CNTN3: variants seen among roughly 807,000 people sequenced by gnomAD.
CNTN3 encodes contactin 3.
CNTN3 carries 60 observed loss-of-function variants against 119.1 expected under a neutral mutation model. That is an observed-to-expected ratio of 0.50 (90% CI 0.41 to 0.62). CNTN3 has a LOEUF of 0.62. Ranked by LOEUF, CNTN3 falls within the 20% of genes least tolerant of loss-of-function variation. The pLI, the probability that CNTN3 is intolerant of heterozygous loss-of-function variation, is 0.00. For synonymous variants in CNTN3, 450 were observed against 438.7 expected (o/e 1.03, Z -0.32); for missense variants, 1,101 against 1,242.4 (o/e 0.89, Z 1.71).
intron 5 of CNTN3, among the ~76,000 whole-genome samples, chr3:74,377,963 T>C (rs1458806182): frequency 6.6e-6 from 1 of 152,240 alleles, no homozygotes; most frequent in Non-Finnish European, 1.5e-5. Context: ...AATCCTTCTA[T>C]GGCCACTTTC....
chr3:74,588,236 C>A (rs1295778234), intron 1 of CNTN3, among the ~76,000 whole-genome samples: 4 of 152,040 alleles, frequency 2.6e-5, no homozygotes, highest in Non-Finnish European at 2.9e-5. Context: ...TCTCCTTAAG[C>A]TGATAAGCAA....
At position 74,450,672 on chromosome 3, in the gene CNTN3, C is replaced by A. The variant is rs542138020; in HGVS notation, c.359-25732G>T. Among the ~76,000 whole-genome samples the A allele has an allele frequency of 7.7e-3, 975 of 126,588 alleles. 12 individuals carry two copies. The highest frequency in any genetic ancestry group is 0.027 in the African/African-American group (928 of 33,844). The allele number at this position is 126,588 out of a possible 152,430, so 83.0% of individuals were successfully genotyped here. On this transcript the variant is annotated intron_variant, in intron 4 of 22. Coordinates refer to ENST00000263665, the MANE Select transcript of CNTN3 (RefSeq NM_020872.3). ...TGCTATCCCTCCCCCCTCCCCCCAC[C>A]CCACAACACTCCCCAGAGTGTGATG...
chr3:74,315,314 C>CA (rs1324010112), intron 13 of CNTN3, among the ~76,000 whole-genome samples: 1 of 152,172 alleles, frequency 6.6e-6, no homozygotes, highest in East Asian at 1.9e-4. Flanking sequence ...TCCAGCAGAT[C>CA]TCGAGGCTGC....
chr3:74,268,921 A>G lies in CNTN3; in HGVS notation c.2705-1543T>C, dbSNP rs563651341. On this transcript the variant is annotated intron_variant, in intron 20 of 22. Transcript: ENST00000263665. ...TTGAGTAATTTTGGTTAAATCACCT[A>G]TACCAACATCAGCCTTCAGGGAGAA... Among the ~76,000 whole-genome samples the G allele has an allele frequency of 5.9e-5, 9 of 152,146 alleles. No individual in the cohort carries two copies. In the South Asian group the frequency reaches 1.5e-3, roughly 25 times the overall value.
At chr3:74,266,460 T>G in intron 22 of CNTN3, 21 bp downstream of exon 22, 1 of 1,609,448 alleles carries the variant, frequency 6.2e-7, no homozygotes, top group Non-Finnish European at 8.5e-7. Flanking sequence ...ATAAAGTAAA[T>G]AATGGCTTCA....
intron 5 of CNTN3, among the ~76,000 whole-genome samples, chr3:74,395,880 T>C (rs1289528571): frequency 1.3e-5 from 2 of 152,194 alleles, no homozygotes; most frequent in Non-Finnish European, 2.9e-5. Context: ...TGATACTTCT[T>C]GCATATTTAA....
chr3:74,439,086 C>A (rs1701917727), intron 4 of CNTN3, among the ~76,000 whole-genome samples: 2 of 152,044 alleles, frequency 1.3e-5, no homozygotes, highest in Non-Finnish European at 2.9e-5. Flanking sequence ...GGTTAATTAG[C>A]TTAATTTGAT....
chr3:74,285,212 G>T, intron 20 of CNTN3, 93 bp downstream of exon 20: 1 of 1,316,402 alleles, frequency 7.6e-7, no homozygotes, highest in Non-Finnish European at 1.0e-6. Context: ...TGAGATTAAT[G>T]ACTTGGGTTG....
chr3:74,520,917 T>G (rs1703532256), intron 2 of CNTN3, 141 bp downstream of exon 2: 1 of 482,534 alleles, frequency 2.1e-6, no homozygotes, highest in East Asian at 3.4e-5. Context: ...ATTAGAGAAT[T>G]TAAATTTTCC....
intron 1 of CNTN3, among the ~76,000 whole-genome samples, chr3:74,543,470 A>T (rs911905499): frequency 6.6e-6 from 1 of 152,188 alleles, no homozygotes; most frequent in African/African-American, 2.4e-5. Context: ...GTACTCTTAG[A>T]TCCAAAATGG....
chr3:74,611,232 C>T (rs757572883), intron 1 of CNTN3, among the ~76,000 whole-genome samples: 6 of 152,140 alleles, frequency 3.9e-5, no homozygotes, highest in Admixed American at 1.3e-4. Flanking sequence ...TCATTCCTTG[C>T]AAGGCAGGTT....
At chr3:74,410,651 A>G (rs1701422569) in intron 5 of CNTN3, among the ~76,000 whole-genome samples, 1 of 152,128 alleles carries the variant, frequency 6.6e-6, no homozygotes, top group South Asian at 2.1e-4. Flanking sequence ...GATTTGTGGG[A>G]TACAATATGT....
At chr3:74,303,306 A>C (rs1369944592) in intron 13 of CNTN3, among the ~76,000 whole-genome samples, 1 of 152,186 alleles carries the variant, frequency 6.6e-6, no homozygotes, top group Non-Finnish European at 1.5e-5. Flanking sequence ...AAAAGCCTAA[A>C]GCTGTTTAAT....
At chr3:74,322,019 C>G (rs565410008) in intron 13 of CNTN3, among the ~76,000 whole-genome samples, 1 of 152,058 alleles carries the variant, frequency 6.6e-6, no homozygotes, top group South Asian at 2.1e-4. Flanking sequence ...AACCCCGTCT[C>G]CACTAAAAAT....
In CNTN3 at chr3:74,547,648, G is replaced by A. The variant is rs114344672; in HGVS notation, c.-80-26456C>T. Reference sequence around the variant, plus strand: ...AGGTTTCCTTGTTCATTCATCTACTGAGCTGTTTATATAGAAATATAATTT... The same window carrying A: ...AGGTTTCCTTGTTCATTCATCTACTAAGCTGTTTATATAGAAATATAATTT... On this transcript the variant is annotated intron_variant, in intron 1 of 22. Transcript: ENST00000263665. Among the ~76,000 whole-genome samples, 154 of 152,028 alleles carry A rather than the reference G, an allele frequency of 1.0e-3. No individual in the cohort carries two copies. In the Middle Eastern group the frequency reaches 0.01, roughly 10 times the overall value.
Position 74,264,093 on chromosome 3 carries a change from G to A in CNTN3, c.*308C>T. On this transcript the variant is annotated 3_prime_UTR_variant, in exon 23 of 23. Coordinates refer to ENST00000263665, the MANE Select transcript of CNTN3 (RefSeq NM_020872.3). ...TAAAAAGAAATTCTCATGCGTGTGT[G>A]TGTACATGTGAGAGTGTGTGAGTCT... The A allele has an allele frequency of 5.1e-6, 1 of 196,944 alleles. No homozygotes were observed. The highest frequency in any genetic ancestry group is 1.2e-4 in the East Asian group (1 of 8,576). The allele number at this position is 196,944 out of a possible 1,614,324, so 12.2% of individuals were successfully genotyped here.
chr3:74,558,820 A>G (rs1704108500), intron 1 of CNTN3, among the ~76,000 whole-genome samples: 1 of 151,838 alleles, frequency 6.6e-6, no homozygotes, highest in Non-Finnish European at 1.5e-5. Context: ...TATCTCTACT[A>G]AAAATACAAA....
At chr3:74,377,245 TAG>T (rs970432730) in intron 5 of CNTN3, among the ~76,000 whole-genome samples, 1 of 152,108 alleles carries the variant, frequency 6.6e-6, no homozygotes, top group Admixed American at 6.6e-5. Context: ...TTTTATGTCT[TAG>T]AGAGAAGAGC....
chr3:74,423,144 T>C (rs1701643462), intron 5 of CNTN3, among the ~76,000 whole-genome samples: 2 of 152,172 alleles, frequency 1.3e-5, no homozygotes, highest in African/African-American at 4.8e-5. Context: ...ATGGAATTGA[T>C]TCAATCCCTG....
Sources: allele counts gnomAD v4.1 joint callset (sites outside exome capture counted in the v4.1 genomes callset), GRCh38; gene constraint gnomAD v4.1.1; transcripts MANE v1.5; gene names NCBI Gene and HGNC (gene_info 2026-07-23, HGNC 2026-07-21).